WWOX: variants seen among roughly 807,000 people sequenced by gnomAD.
The protein encoded by WWOX is WW domain-containing oxidoreductase.
In WWOX, 69 loss-of-function variants were observed where a neutral mutation model predicts 46.2. The observed-to-expected ratio is 1.49, with a 90% CI of 1.23 to 1.82. WWOX has a LOEUF of 1.82. WWOX is among the 40% of genes most tolerant of loss of function. WWOX has a pLI of 0.00. For synonymous variants in WWOX, 359 were observed against 202.6 expected (o/e 1.77, Z -6.56); for missense variants, 919 against 542.6 (o/e 1.69, Z -6.89).
At chr16:78,762,467 C>T (rs1401459973) in intron 8 of WWOX, among the ~76,000 whole-genome samples, 2 of 152,178 alleles carry the variant, frequency 1.3e-5, no homozygotes, top group East Asian at 3.9e-4. Context: ...ATTAAGTGAG[C>T]CTTCCTTATG....
Position 78,386,844 on chromosome 16 carries a change from T to C in WWOX, c.517-16T>C, listed in dbSNP as rs1426429730. On this transcript the variant is annotated splice_polypyrimidine_tract_variant and intron_variant, in intron 5 of 8. Transcript: ENST00000566780. Reference sequence around the variant, plus strand: ...TGCTGTTATTTATCATTTCTTTTTATTTTCTCTCATTGCAGCATAAAGCCA... The same window carrying C: ...TGCTGTTATTTATCATTTCTTTTTACTTTCTCTCATTGCAGCATAAAGCCA... The C allele has an allele frequency of 6.2e-7, 1 of 1,607,588 alleles. No individual in the cohort carries two copies. The highest frequency in any genetic ancestry group is 1.3e-5 in the African/African-American group (1 of 74,874).
intron 8 of WWOX, among the ~76,000 whole-genome samples, chr16:78,972,926 A>C (rs2151325079): frequency 6.6e-6 from 1 of 152,284 alleles, no homozygotes; most frequent in East Asian, 1.9e-4. Flanking sequence ...TCCCGACCGA[A>C]GGGCTGAGTA....
At chr16:78,769,580 T>C (rs1323850580) in intron 8 of WWOX, among the ~76,000 whole-genome samples, 1 of 86,686 alleles carries the variant, frequency 1.2e-5, no homozygotes, top group Non-Finnish European at 2.4e-5. Context: ...TTTATTTATT[T>C]ATTTTTACCA....
At chr16:78,160,306 G>A (rs926292867) in intron 4 of WWOX, among the ~76,000 whole-genome samples, 7 of 151,882 alleles carry the variant, frequency 4.6e-5, no homozygotes, top group Non-Finnish European at 2.9e-5. Context: ...CTAATTTTTT[G>A]TAGAGATGGA....
intron 8 of WWOX, among the ~76,000 whole-genome samples, chr16:79,038,477 A>C (rs2047910423): frequency 6.6e-6 from 1 of 152,170 alleles, no homozygotes; most frequent in Admixed American, 6.5e-5. Context: ...AAATTTATTG[A>C]GATGTTATTG....
At chr16:78,142,022 CCTAA>C (rs2034006823) in intron 4 of WWOX, among the ~76,000 whole-genome samples, 1 of 149,888 alleles carries the variant, frequency 6.7e-6, no homozygotes, top group Non-Finnish European at 1.5e-5. Flanking sequence ...GATGGTGCTC[CCTAA>C]CTGATTTCCT....
chr16:78,647,295 A>T (rs2046866156), intron 8 of WWOX, among the ~76,000 whole-genome samples: 1 of 152,162 alleles, frequency 6.6e-6, no homozygotes, highest in Non-Finnish European at 1.5e-5. Flanking sequence ...AGGGGAGTGG[A>T]TGCTGGCCCG....
At chr16:78,684,931 G>A (rs1457714560) in intron 8 of WWOX, among the ~76,000 whole-genome samples, 2 of 152,186 alleles carry the variant, frequency 1.3e-5, no homozygotes, top group Non-Finnish European at 2.9e-5. Flanking sequence ...GTGAACACAT[G>A]TTGTTTTACA....
chr16:78,522,230 A>T (rs187473596), intron 8 of WWOX, among the ~76,000 whole-genome samples: 2 of 152,022 alleles, frequency 1.3e-5, no homozygotes, highest in Non-Finnish European at 1.5e-5. Flanking sequence ...TTGTAGACTC[A>T]TGAAACCTAG....
At chr16:78,332,224 C>G (rs150715014) in intron 5 of WWOX, among the ~76,000 whole-genome samples, 2 of 152,040 alleles carry the variant, frequency 1.3e-5, no homozygotes, top group African/African-American at 4.8e-5. Context: ...TGGAAACTTG[C>G]CTAAAGAGAC....
chr16:78,330,272 T>G (rs2080723810), intron 5 of WWOX, among the ~76,000 whole-genome samples: 2 of 152,332 alleles, frequency 1.3e-5, no homozygotes, highest in South Asian at 4.1e-4. Flanking sequence ...TTAAAGTGGT[T>G]AAAATGATAA....
chr16:78,962,184 G>T (rs534031430), intron 8 of WWOX, among the ~76,000 whole-genome samples: 1 of 151,976 alleles, frequency 6.6e-6, no homozygotes, highest in Non-Finnish European at 1.5e-5. Flanking sequence ...CTTTAATGAG[G>T]ACAGCCACCC....
chr16:78,402,200 A>G (rs1440245586), intron 6 of WWOX, among the ~76,000 whole-genome samples: 3 of 152,194 alleles, frequency 2.0e-5, no homozygotes, highest in African/African-American at 7.2e-5. Context: ...CTGTTTGCCT[A>G]TTCTGGACAT....
In WWOX at chr16:78,347,095, C is replaced by T. The variant is rs1383209242; in HGVS notation, c.517-39765C>T. Among the ~76,000 whole-genome samples, 7 of 118,748 alleles carry T rather than the reference C, an allele frequency of 5.9e-5. 3 individuals are homozygous for T. Among genetic ancestry groups the T allele is most frequent in the African/African-American group, 2.0e-4 (7 of 34,890 alleles). The allele number at this position is 118,748 out of a possible 152,430, so 77.9% of individuals were successfully genotyped here. A position where few individuals can be genotyped will look rare whatever the true frequency, so the allele number is the denominator to read the frequency against. On this transcript the variant is annotated intron_variant, in intron 5 of 8. Coordinates refer to ENST00000566780, the MANE Select transcript of WWOX (RefSeq NM_016373.4). ...TTATTGAGATATAATTCATATACCACACAGTTTCATTTTTAGTGTATTGAC... is the reference window on the plus strand; with the variant it reads ...TTATTGAGATATAATTCATATACCATACAGTTTCATTTTTAGTGTATTGAC...
chr16:78,350,167 C>T (rs1201394172), intron 5 of WWOX, among the ~76,000 whole-genome samples: 1 of 121,278 alleles, frequency 8.2e-6, no homozygotes, highest in East Asian at 1.9e-4. Context: ...TCCACAATCT[C>T]ATCAGAGTCC....
At chr16:78,552,005 G>C in intron 8 of WWOX, 1 of 152,250 alleles carries the variant, frequency 6.6e-6, no homozygotes, top group East Asian at 1.9e-4. Context: ...CTGGCTCTTG[G>C]TTGGGGGGTG....
At chr16:78,526,018 A>G (rs978479780) in intron 8 of WWOX, 2 of 152,252 alleles carry the variant, frequency 1.3e-5, no homozygotes, top group African/African-American at 4.8e-5. Flanking sequence ...CCCAGTAAGC[A>G]GCTCTGGCTT....
intron 8 of WWOX, among the ~76,000 whole-genome samples, chr16:78,679,301 AG>A (rs1163694175): frequency 1.3e-5 from 2 of 152,242 alleles, no homozygotes; most frequent in Admixed American, 1.3e-4. Context: ...CTGTAATCCC[AG>A]CACTTTGGGA....
At chr16:78,959,445 T>A (rs1199250768) in intron 8 of WWOX, among the ~76,000 whole-genome samples, 2 of 152,188 alleles carry the variant, frequency 1.3e-5, no homozygotes, top group African/African-American at 4.8e-5. Context: ...ACAAGCTAAT[T>A]CAGGTATGAT....
Sources: allele counts gnomAD v4.1 joint callset (sites outside exome capture counted in the v4.1 genomes callset), GRCh38; gene constraint gnomAD v4.1.1; transcripts MANE v1.5; gene names NCBI Gene and HGNC (gene_info 2026-07-23, HGNC 2026-07-21).